Variants in C12orf42 observed in about 807,000 individuals in gnomAD.
C12orf42 encodes chromosome 12 open reading frame 42.
C12orf42 carries 25 observed loss-of-function variants against 21.6 expected under a neutral mutation model. The ratio of observed to expected loss-of-function variants is 1.16; its 90% confidence interval spans 0.84 to 1.62. The LOEUF (loss-of-function observed/expected upper bound fraction) is 1.62, where lower values mean the gene tolerates loss of function less well. Ranked by LOEUF, C12orf42 falls within the 40% of genes most tolerant of loss-of-function variation. The pLI, the probability that C12orf42 is intolerant of heterozygous loss-of-function variation, is 0.00. For missense variants in C12orf42, 483 were observed against 459.3 expected, an observed-to-expected ratio of 1.05 and a Z score of -0.47; for synonymous variants, 174 against 175.0, an observed-to-expected ratio of 0.99 and a Z score of 0.05.
intron 4 of C12orf42, among the ~76,000 whole-genome samples, chr12:103,283,265 T>C (rs1411398265): frequency 6.6e-6 from 1 of 152,208 alleles, no homozygotes; most frequent in Non-Finnish European, 1.5e-5. Flanking sequence ...GAATGGTATC[T>C]GTGAATCCAT....
At chr12:103,058,653 A>T in the C12orf42 span, among the ~76,000 whole-genome samples, 4 of 152,228 alleles carry the variant, frequency 2.6e-5, no homozygotes, top group Non-Finnish European at 5.9e-5. Context: ...GGTGCAATCA[A>T]ATAAGAACTC....
intron 2 of C12orf42, among the ~76,000 whole-genome samples, chr12:103,432,352 G>A (rs1950327507): frequency 6.6e-6 from 1 of 152,146 alleles, no homozygotes; most frequent in South Asian, 2.1e-4. Flanking sequence ...TTATTTTAGA[G>A]AGGCAGTTCA....
At chr12:103,323,009 T>C (rs1431512069) in intron 4 of C12orf42, among the ~76,000 whole-genome samples, 2 of 152,242 alleles carry the variant, frequency 1.3e-5, no homozygotes, top group Non-Finnish European at 1.5e-5. Flanking sequence ...CTGCAGATGA[T>C]GAAGAAATAG....
the C12orf42 span, among the ~76,000 whole-genome samples, chr12:103,157,505 G>A: frequency 6.6e-6 from 1 of 152,248 alleles, no homozygotes; most frequent in East Asian, 1.9e-4. Flanking sequence ...GGCTTTCGTT[G>A]CAATTGCCTT....
chr12:103,283,391 G>A (rs950771516), intron 4 of C12orf42, among the ~76,000 whole-genome samples: 1 of 152,146 alleles, frequency 6.6e-6, no homozygotes, highest in Non-Finnish European at 1.5e-5. Flanking sequence ...ATTCTGCTCT[G>A]TGTTCAGAGC....
At chr12:103,128,600 G>T in the C12orf42 span, among the ~76,000 whole-genome samples, 1 of 152,158 alleles carries the variant, frequency 6.6e-6, no homozygotes, top group Admixed American at 6.5e-5. Context: ...AGACCTGACT[G>T]TTCATCTTTA....
chr12:103,507,163 T>TA, the C12orf42 span, among the ~76,000 whole-genome samples: 1 of 26,156 alleles, frequency 3.8e-5, no homozygotes, highest in African/African-American at 3.8e-4. Flanking sequence ...TATATATATA[T>TA]AATATATATT....
At chr12:103,508,187 T>G in the C12orf42 span, among the ~76,000 whole-genome samples, 1 of 152,176 alleles carries the variant, frequency 6.6e-6, no homozygotes, top group African/African-American at 2.4e-5. Context: ...GGGTATAAAG[T>G]ACATTTTCAA....
chr12:103,385,007 T>C (rs1161944077), intron 3 of C12orf42, among the ~76,000 whole-genome samples: 2 of 152,186 alleles, frequency 1.3e-5, no homozygotes, highest in Admixed American at 1.3e-4. Flanking sequence ...CTTTACTAAG[T>C]ACCAATAATT....
the C12orf42 span, chr12:103,549,606 A>G: frequency 1.3e-5 from 2 of 152,234 alleles, no homozygotes; most frequent in African/African-American, 4.8e-5. Flanking sequence ...AGGTAAGGGA[A>G]GAAGAATTTA....
chr12:103,440,044 G>A (rs1399152331), intron 2 of C12orf42, among the ~76,000 whole-genome samples: 1 of 146,670 alleles, frequency 6.8e-6, no homozygotes, highest in African/African-American at 2.5e-5. Flanking sequence ...TTAAGAAAAT[G>A]TGGCACATAT....
the C12orf42 span, among the ~76,000 whole-genome samples, chr12:103,100,069 G>T: frequency 6.6e-6 from 1 of 152,114 alleles, no homozygotes; most frequent in Non-Finnish European, 1.5e-5. Flanking sequence ...TCTCCATATT[G>T]CATGTAATTT....
the C12orf42 span, among the ~76,000 whole-genome samples, chr12:103,177,213 C>T: frequency 6.6e-6 from 1 of 152,108 alleles, no homozygotes; most frequent in Admixed American, 6.5e-5. Context: ...ACGGCCTGAT[C>T]CCTAGAAAAT....
chr12:103,244,521 C>T (rs2033917906), intron 10 of C12orf42, among the ~76,000 whole-genome samples: 1 of 150,912 alleles, frequency 6.6e-6, no homozygotes, highest in Non-Finnish European at 1.5e-5. Context: ...GTAAATATTC[C>T]TCTTTCCCTA....
chr12:103,476,659 G>A (rs1188886422), intron 2 of C12orf42, among the ~76,000 whole-genome samples: 2 of 152,198 alleles, frequency 1.3e-5, no homozygotes, highest in African/African-American at 4.8e-5. Context: ...AGACAAAAGA[G>A]TAAATGTGTA....
At chr12:103,531,291 C>CT in the C12orf42 span, among the ~76,000 whole-genome samples, 2 of 152,096 alleles carry the variant, frequency 1.3e-5, no homozygotes, top group South Asian at 4.1e-4. Context: ...ATTTTTTAAT[C>CT]TTTTTTTCTT....
chr12:103,437,488 T>C (rs1258848881), intron 2 of C12orf42, among the ~76,000 whole-genome samples: 5 of 151,608 alleles, frequency 3.3e-5, no homozygotes, highest in Non-Finnish European at 7.4e-5. Flanking sequence ...AAAGGATCAA[T>C]AAAATTGATA....
At chr12:103,274,229 C>T (rs1458920646) in intron 5 of C12orf42, among the ~76,000 whole-genome samples, 1 of 152,144 alleles carries the variant, frequency 6.6e-6, no homozygotes, top group Non-Finnish European at 1.5e-5. Flanking sequence ...TGTCAAGTGG[C>T]AGAGCAGGAT....
intron 3 of C12orf42, among the ~76,000 whole-genome samples, chr12:103,396,056 T>C (rs2047503763): frequency 6.7e-6 from 1 of 149,338 alleles, no homozygotes; most frequent in Admixed American, 6.7e-5. Context: ...AATATACATA[T>C]ATCAACTATT....
Sources: gnomAD v4.1 joint callset for allele counts (sites outside exome capture counted in the v4.1 genomes callset) on GRCh38, gnomAD v4.1.1 for gene constraint, MANE v1.5 for transcripts, NCBI Gene and HGNC (gene_info 2026-07-23, HGNC 2026-07-21) for gene names.